TMEM232: variants seen among roughly 807,000 people sequenced by gnomAD.
TMEM232 encodes the protein transmembrane protein 232.
Under a neutral mutation model 78.8 loss-of-function variants are expected in TMEM232, and 80 were observed. The observed-to-expected ratio is 1.01, with a 90% CI of 0.85 to 1.22. TMEM232 has a LOEUF of 1.22. Ranked by LOEUF, TMEM232 falls within the 50% of genes most tolerant of loss-of-function variation. TMEM232 has a pLI of 0.00. For missense variants in TMEM232, 881 were observed against 742.2 expected (o/e 1.19, Z -2.17); for synonymous variants, 297 against 254.3 (o/e 1.17, Z -1.60).
chr5:110,432,833 C>G (rs186988812), intron 12 of TMEM232, among the ~76,000 whole-genome samples: 57 of 151,716 alleles, frequency 3.8e-4, no homozygotes, highest in Non-Finnish European at 7.7e-4. Context: ...GGAAGAGCTA[C>G]TATTCTTAAA....
At chr5:110,535,051 A>T (rs911925759) in intron 11 of TMEM232, among the ~76,000 whole-genome samples, 1 of 152,020 alleles carries the variant, frequency 6.6e-6, no homozygotes, top group African/African-American at 2.4e-5. Context: ...CCACCCCCCA[A>T]AAATTTTTAC....
intron 12 of TMEM232, among the ~76,000 whole-genome samples, chr5:110,516,094 C>A (rs554299083): frequency 9.2e-5 from 14 of 152,150 alleles, no homozygotes; most frequent in African/African-American, 2.9e-4. Flanking sequence ...AAAAAATTAC[C>A]CGGGCGTGGT....
At chr5:110,701,573 T>G (rs547178632) in intron 1 of TMEM232, among the ~76,000 whole-genome samples, 2 of 152,040 alleles carry the variant, frequency 1.3e-5, no homozygotes, top group South Asian at 4.1e-4. Flanking sequence ...CCAATATACT[T>G]GTAAGCAATT....
At chr5:110,514,417 AAAAT>A (rs745858930) in intron 12 of TMEM232, among the ~76,000 whole-genome samples, 1 of 152,134 alleles carries the variant, frequency 6.6e-6, no homozygotes, top group Admixed American at 6.5e-5. Context: ...TATTCTAAAG[AAAAT>A]AAATATTTTA....
At chr5:110,463,463 A>G (rs1233874053) in intron 12 of TMEM232, among the ~76,000 whole-genome samples, 1 of 152,230 alleles carries the variant, frequency 6.6e-6, no homozygotes, top group Non-Finnish European at 1.5e-5. Context: ...TTATTGCAGT[A>G]GTCTAGAATC....
At chr5:110,584,475 T>C (rs1329557076) in intron 10 of TMEM232, among the ~76,000 whole-genome samples, 4 of 152,040 alleles carry the variant, frequency 2.6e-5, no homozygotes, top group African/African-American at 7.2e-5. Context: ...AAGAATAGAA[T>C]GGCAGTTACC....
At chr5:110,680,799 C>A (rs1457928737) in intron 1 of TMEM232, among the ~76,000 whole-genome samples, 1 of 151,788 alleles carries the variant, frequency 6.6e-6, no homozygotes, top group Non-Finnish European at 1.5e-5. Flanking sequence ...GAAGGGGGTT[C>A]AGAAGGTCAC....
intron 12 of TMEM232, among the ~76,000 whole-genome samples, chr5:110,496,419 T>C (rs755517511): frequency 5.3e-5 from 8 of 152,044 alleles, no homozygotes; most frequent in Non-Finnish European, 8.8e-5. Context: ...ATCTGTAATG[T>C]CTTACATTTT....
intron 11 of TMEM232, among the ~76,000 whole-genome samples, chr5:110,559,692 A>C (rs1400561120): frequency 6.6e-6 from 1 of 152,194 alleles, no homozygotes; most frequent in Non-Finnish European, 1.5e-5. Flanking sequence ...GGTAAGGATT[A>C]TGTATTAGTT....
At chr5:110,406,478 T>C (rs889067543) in intron 2 of TMEM232, among the ~76,000 whole-genome samples, 3 of 152,022 alleles carry the variant, frequency 2.0e-5, no homozygotes, top group Non-Finnish European at 2.9e-5. Context: ...CTGATTCATA[T>C]GGTAGTGCTC....
intron 11 of TMEM232, among the ~76,000 whole-genome samples, chr5:110,537,466 A>C (rs1294143035): frequency 1.3e-5 from 2 of 151,952 alleles, no homozygotes; most frequent in Non-Finnish European, 2.9e-5. Context: ...CCTATACCAA[A>C]ACCTAACAAT....
intron 1 of TMEM232, among the ~76,000 whole-genome samples, chr5:110,684,607 T>A (rs191980046): frequency 1.3e-5 from 2 of 152,120 alleles, no homozygotes; most frequent in Admixed American, 1.3e-4. Flanking sequence ...TAAACAGGAG[T>A]TCGAGTTATT....
At chr5:110,720,214 C>T (rs943435329) in intron 1 of TMEM232, among the ~76,000 whole-genome samples, 1 of 152,068 alleles carries the variant, frequency 6.6e-6, no homozygotes, top group Non-Finnish European at 1.5e-5. Context: ...GTCTTCTTGG[C>T]TTGCCTCTTC....
At chr5:110,506,289 T>C (rs1221062343) in intron 12 of TMEM232, among the ~76,000 whole-genome samples, 2 of 152,350 alleles carry the variant, frequency 1.3e-5, no homozygotes, top group Admixed American at 6.5e-5. Context: ...TTGTTTTGTT[T>C]GTTTTGGAGG....
intron 12 of TMEM232, among the ~76,000 whole-genome samples, chr5:110,523,230 C>A (rs1170891781): frequency 6.6e-6 from 1 of 152,008 alleles, no homozygotes; most frequent in East Asian, 1.9e-4. Context: ...CCTTATATTT[C>A]TGTGGCATCA....
rs1772602882 is a variant in TMEM232, at chr5:110,537,926, A to G, written c.1456-9091T>C. Among the ~76,000 whole-genome samples, 3 of 152,274 alleles carry G rather than the reference A, an allele frequency of 2.0e-5. No homozygotes were observed. In the South Asian group the frequency reaches 6.2e-4, roughly 32 times the overall value. On this transcript the variant is annotated intron_variant, in intron 11 of 13. Coordinates refer to ENST00000455884, the MANE Select transcript of TMEM232 (RefSeq NM_001039763.4). ...TGCACCCCCTTGGAAAAAAAGATGA[A>G]ATCTTTGAGGCCGCCCATGGGGAAG... is the stretch of plus-strand genomic sequence containing the variant.
At chr5:110,599,597 T>A (rs1780638662) in intron 10 of TMEM232, among the ~76,000 whole-genome samples, 1 of 152,172 alleles carries the variant, frequency 6.6e-6, no homozygotes, top group South Asian at 2.1e-4. Flanking sequence ...GGTAAAGGGA[T>A]CCATGCAACA....
At chr5:110,579,242 A>G (rs1196526104) in intron 10 of TMEM232, among the ~76,000 whole-genome samples, 1 of 151,420 alleles carries the variant, frequency 6.6e-6, no homozygotes, top group Non-Finnish European at 1.5e-5. Flanking sequence ...AAGATACTAT[A>G]CCTGGAAAAC....
At chr5:110,725,475 A>G (rs561851049) in intron 1 of TMEM232, 1 of 152,340 alleles carries the variant, frequency 6.6e-6, no homozygotes, top group East Asian at 1.9e-4. Flanking sequence ...TATCAAATTT[A>G]TCATAACAAT....
Sources: allele counts gnomAD v4.1 joint callset (sites outside exome capture counted in the v4.1 genomes callset), GRCh38; gene constraint gnomAD v4.1.1; transcripts MANE v1.5; gene names NCBI Gene and HGNC (gene_info 2026-07-23, HGNC 2026-07-21).